ARPC1A: variants seen among roughly 807,000 people sequenced by gnomAD.
ARPC1A encodes the protein actin related protein 2/3 complex subunit 1A, also known as actin-related protein 2/3 complex subunit 1A.
ARPC1A carries 8 observed loss-of-function variants against 46.9 expected under a neutral mutation model. The ratio of observed to expected loss-of-function variants is 0.17; its 90% CI spans 0.10 to 0.31. The LOEUF is 0.31. Among genes scored for constraint, ARPC1A ranks in the 10% least tolerant of loss-of-function variants. The probability of loss-of-function intolerance (pLI) is 1.00; values close to 1 mark genes in which losing one functional copy is unlikely to be tolerated. For missense variants in ARPC1A, 286 were observed against 483.6 expected (o/e 0.59, Z 3.83); for synonymous variants, 152 against 169.0 (o/e 0.90, Z 0.78).
At chr7:99,332,562 T>G (rs914141454) in intron 1 of ARPC1A, among the ~76,000 whole-genome samples, 1 of 152,220 alleles carries the variant, frequency 6.6e-6, no homozygotes, top group African/African-American at 2.4e-5. Flanking sequence ...GTTGTTACAA[T>G]GCTAGATTTA....
At chr7:99,330,145 G>A (rs963941410) in intron 1 of ARPC1A, among the ~76,000 whole-genome samples, 9 of 151,412 alleles carry the variant, frequency 5.9e-5, no homozygotes, top group African/African-American at 2.2e-4. Flanking sequence ...CTTTTTCTTT[G>A]TTAGTTGTAG....
Position 99,358,355 on chromosome 7 carries a change from G to T in ARPC1A, c.729G>T (p.Lys243Asn). The change falls in exon 7 of 10, where the codon AAG (lysine) becomes AAT (asparagine). Residue 243 changes from lysine (K) to asparagine (N), a missense_variant. Around this residue, in one of 5 missense-constraint regions of ARPC1A, gnomAD observed 182 missense variants for 276.7 expected, o/e 0.66. Coordinates refer to ENST00000262942, the MANE Select transcript of ARPC1A (RefSeq NM_006409.4). ...ASKSVQVSTL[K>N]TEFLPLLSVS... ...TTGTGTTCAGGGTCTCGACTCTGAAGACAGAGTTCCTGCCGCTCCTAAGTG... is the reference window on the plus strand; with the variant it reads ...TTGTGTTCAGGGTCTCGACTCTGAATACAGAGTTCCTGCCGCTCCTAAGTG... The T allele has an allele frequency of 6.2e-7, 1 of 1,614,076 alleles. No individual in the cohort carries two copies. Among genetic ancestry groups the T allele is most frequent in the Non-Finnish European group, 8.5e-7 (1 of 1,179,996 alleles).
At chr7:99,334,849 TA>T (rs1164217025) in intron 2 of ARPC1A, among the ~76,000 whole-genome samples, 4 of 148,016 alleles carry the variant, frequency 2.7e-5, no homozygotes. Flanking sequence ...ACCTGGCTAA[TA>T]TTTTTTTTTT....
chr7:99,332,029 G>A (rs367595146), intron 1 of ARPC1A, among the ~76,000 whole-genome samples: 13 of 152,136 alleles, frequency 8.5e-5, no homozygotes, highest in East Asian at 3.8e-4. Flanking sequence ...AATAGTCCAG[G>A]CCAGTTCTTC....
At chr7:99,354,315 G>A (rs564307150) in intron 6 of ARPC1A, among the ~76,000 whole-genome samples, 194 bp downstream of exon 6, 17 of 152,032 alleles carry the variant, frequency 1.1e-4, no homozygotes, top group African/African-American at 4.1e-4. Context: ...AAGGTCAGCA[G>A]TTCAAGACCA....
intron 7 of ARPC1A, 152 bp downstream of exon 7, chr7:99,358,567 G>A: frequency 4.6e-6 from 3 of 652,968 alleles, no homozygotes; most frequent in South Asian, 2.0e-5. Context: ...TTGAGATGGA[G>A]TTTTGCTCTT....
At chr7:99,329,883 G>A (rs893209386) in intron 1 of ARPC1A, among the ~76,000 whole-genome samples, 1 of 152,070 alleles carries the variant, frequency 6.6e-6, no homozygotes, top group Non-Finnish European at 1.5e-5. Context: ...TTTATTTTTA[G>A]TTAACAAATA....
At position 99,344,417 on chromosome 7, in the gene ARPC1A, A is replaced by G; in HGVS notation, c.294A>G (p.Ala98=). The change falls in exon 4 of 10, where the codon GCA becomes GCG. Residue 98 remains alanine, a synonymous_variant. Transcript: ENST00000262942. The part of the protein sequence containing the change: ...PTLVILRINR[A]ATFVKWSPLE... ...TGGTGATCCTGAGAATTAATCGCGC[A>G]GCTACTTTTGTGAAGTGGTCCCCCC... 6.2e-6 allele frequency: 10 copies of G among 1,613,964 alleles called. No individual in the cohort carries two copies. Among genetic ancestry groups the G allele is most frequent in the Non-Finnish European group, 7.6e-6 (9 of 1,179,870 alleles).
At chr7:99,354,214 A>C in intron 6 of ARPC1A, 93 bp downstream of exon 6, 1 of 1,409,314 alleles carries the variant, frequency 7.1e-7, no homozygotes, top group Non-Finnish European at 9.7e-7. Flanking sequence ...GTGTTAGCAC[A>C]GGGCACAAAC....
At chr7:99,336,455 G>A (rs1441712397) in intron 2 of ARPC1A, among the ~76,000 whole-genome samples, 2 of 150,046 alleles carry the variant, frequency 1.3e-5, no homozygotes, top group Non-Finnish European at 3.0e-5. Context: ...TTAATGACTG[G>A]CCTAAAGTTT....
intron 8 of ARPC1A, among the ~76,000 whole-genome samples, chr7:99,361,454 C>T (rs1483386623): frequency 2.3e-5 from 3 of 132,500 alleles, no homozygotes; most frequent in Non-Finnish European, 4.5e-5. Flanking sequence ...ATTGTGAGAT[C>T]CTATCTCAAA....
chr7:99,341,405 C>T (rs1157246437), intron 3 of ARPC1A, among the ~76,000 whole-genome samples: 1 of 151,608 alleles, frequency 6.6e-6, no homozygotes, highest in African/African-American at 2.4e-5. Flanking sequence ...GTCGGGAGTT[C>T]GAGACCAGCG....
At chr7:99,333,477 G>C in intron 2 of ARPC1A, 60 bp downstream of exon 2, 1 of 1,450,838 alleles carries the variant, frequency 6.9e-7, no homozygotes, top group Non-Finnish European at 9.6e-7. Flanking sequence ...TTCATCTTTA[G>C]ACACATTTAG....
At chr7:99,334,354 T>G (rs2150859550) in intron 2 of ARPC1A, among the ~76,000 whole-genome samples, 1 of 151,424 alleles carries the variant, frequency 6.6e-6, no homozygotes, top group South Asian at 2.1e-4. Context: ...AGGGCAAGAC[T>G]CTCTTTCTCA....
At chr7:99,326,117 G>A (rs1186224614) in intron 1 of ARPC1A, 113 bp downstream of exon 1, 8 of 152,212 alleles carry the variant, frequency 5.3e-5, no homozygotes. Flanking sequence ...GGGCCCCGAG[G>A]CTGAGGCGCG....
At chr7:99,338,017 G>GT (rs1386559141) in intron 2 of ARPC1A, among the ~76,000 whole-genome samples, 164 bp from the exon 3 acceptor site, 1 of 151,606 alleles carries the variant, frequency 6.6e-6, no homozygotes, top group East Asian at 1.9e-4. Context: ...CCAAGTAAAG[G>GT]TTAAAAAAAA....
intron 7 of ARPC1A, among the ~76,000 whole-genome samples, chr7:99,359,337 G>A (rs1793697241): frequency 6.6e-6 from 1 of 151,762 alleles, no homozygotes; most frequent in Non-Finnish European, 1.5e-5. Context: ...TTGGGAGGCT[G>A]AGGCAGGAGA....
intron 6 of ARPC1A, among the ~76,000 whole-genome samples, chr7:99,355,658 C>A (rs2150871718): frequency 6.6e-6 from 1 of 151,842 alleles, no homozygotes; most frequent in African/African-American, 2.4e-5. Flanking sequence ...GAAGGAGAAT[C>A]ACTTGAACCC....
chr7:99,351,956 C>G (rs1323987399), intron 5 of ARPC1A, among the ~76,000 whole-genome samples: 1 of 152,148 alleles, frequency 6.6e-6, no homozygotes, highest in Non-Finnish European at 1.5e-5. Context: ...GCGACACCAC[C>G]TATAAAGGAC....
Sources: allele counts gnomAD v4.1 joint callset (sites outside exome capture counted in the v4.1 genomes callset), GRCh38; gene constraint gnomAD v4.1.1; regional missense constraint gnomAD v4.1.1; transcripts MANE v1.5; gene names NCBI Gene and HGNC (gene_info 2026-07-23, HGNC 2026-07-21).